FOXP2: variants seen among roughly 807,000 people sequenced by gnomAD.
FOXP2 encodes forkhead box P2.
Under a neutral mutation model 115.8 loss-of-function variants are expected in FOXP2, and 12 were observed. The observed-to-expected ratio is 0.10, with a 90% CI of 0.07 to 0.17. The LOEUF (loss-of-function observed/expected upper bound fraction) is 0.17, where lower values mean the gene tolerates loss of function less well. FOXP2 is among the 10% of genes least tolerant of loss of function. FOXP2 has a pLI of 1.00. For synonymous variants in FOXP2, 328 were observed against 297.7 expected (o/e 1.10, Z -1.05); for missense variants, 629 against 843.5 (o/e 0.75, Z 3.15).
intron 2 of FOXP2, among the ~76,000 whole-genome samples, chr7:114,386,089 C>T (rs556138315): frequency 4.6e-5 from 7 of 152,202 alleles, no homozygotes; most frequent in African/African-American, 7.2e-5. Flanking sequence ...ATGGGAGTCT[C>T]GCCGTATCAG....
At position 114,692,306 on chromosome 7, in the gene FOXP2, G is replaced by A. The variant is rs1182401648; in HGVS notation, c.*2380G>A. 7 of 453,840 alleles carry A rather than the reference G, an allele frequency of 1.5e-5. No homozygotes were observed. Among genetic ancestry groups the A allele is most frequent in the Non-Finnish European group, 3.1e-5 (7 of 226,740 alleles). 28.1% of individuals were successfully genotyped at this position (453,840 alleles called of 1,614,324 possible). A position where few individuals can be genotyped will look rare whatever the true frequency, so the allele number is the denominator to read the frequency against. ...TGAAAGGAAGTCTCAGCCACAGAAT[G>A]CATATACCTGTAGAGTTTTGCATGG... On this transcript the variant is annotated 3_prime_UTR_variant, in exon 17 of 17. Transcript: ENST00000350908.
intron 3 of FOXP2, among the ~76,000 whole-genome samples, chr7:114,535,092 C>T (rs975936490): frequency 3.3e-5 from 5 of 151,598 alleles, no homozygotes; most frequent in Admixed American, 2.0e-4. Flanking sequence ...ACAACCCTTC[C>T]GCAGTTGTAT....
intron 2 of FOXP2, among the ~76,000 whole-genome samples, chr7:114,384,516 T>TGG (rs1792392483): frequency 1.3e-5 from 2 of 152,078 alleles, no homozygotes; most frequent in Non-Finnish European, 2.9e-5. Flanking sequence ...GAATACCCAT[T>TGG]GTATTCAGTA....
chr7:114,651,139 T>TA (rs1806229728), intron 8 of FOXP2, among the ~76,000 whole-genome samples: 1 of 152,066 alleles, frequency 6.6e-6, no homozygotes. Context: ...CCAGGGCTAT[T>TA]ATAAACTTTT....
intron 2 of FOXP2, among the ~76,000 whole-genome samples, chr7:114,468,676 C>A (rs898770645): frequency 1.3e-5 from 2 of 152,084 alleles, no homozygotes; most frequent in Non-Finnish European, 2.9e-5. Flanking sequence ...TCAAACAATT[C>A]TTCTCAAGTA....
intron 2 of FOXP2, among the ~76,000 whole-genome samples, chr7:114,476,909 C>T (rs1424984972): frequency 1.3e-5 from 2 of 151,900 alleles, no homozygotes. Context: ...AAGTGCTCAG[C>T]ATCACTAATC....
chr7:114,412,179 A>T (rs1793180904), upstream of FOXP2, among the ~76,000 whole-genome samples: 1 of 152,152 alleles, frequency 6.6e-6, no homozygotes, highest in Non-Finnish European at 1.5e-5. Flanking sequence ...TATTTTTAAA[A>T]TTACTATGAT....
chr7:114,465,447 G>C (rs557744817), intron 2 of FOXP2, among the ~76,000 whole-genome samples: 2 of 152,292 alleles, frequency 1.3e-5, no homozygotes, highest in Admixed American at 1.3e-4. Flanking sequence ...AAACTTATTA[G>C]AGTGATTAGA....
intron 2 of FOXP2, among the ~76,000 whole-genome samples, chr7:114,447,876 T>A (rs1471362559): frequency 6.6e-6 from 1 of 152,160 alleles, no homozygotes; most frequent in African/African-American, 2.4e-5. Context: ...AGATGCAGAA[T>A]AAATTTTGTT....
intron 16 of FOXP2, among the ~76,000 whole-genome samples, chr7:114,680,788 A>C: frequency 6.6e-6 from 1 of 152,096 alleles, no homozygotes; most frequent in East Asian, 1.9e-4. Flanking sequence ...CATAAATTTC[A>C]AAAGAAAGTA....
chr7:114,656,046 G>A (rs1390943467), intron 10 of FOXP2, among the ~76,000 whole-genome samples: 1 of 152,100 alleles, frequency 6.6e-6, no homozygotes, highest in Non-Finnish European at 1.5e-5. Context: ...GTTTGTGATT[G>A]TACGCCTACA....
chr7:114,184,785 A>C (rs1793550154), intron 1 of FOXP2, among the ~76,000 whole-genome samples: 1 of 152,202 alleles, frequency 6.6e-6, no homozygotes, highest in African/African-American at 2.4e-5. Flanking sequence ...CAAAACTGCC[A>C]AGGGAAACTG....
intron 1 of FOXP2, among the ~76,000 whole-genome samples, chr7:114,142,941 G>A (rs2129147329): frequency 6.6e-6 from 1 of 151,960 alleles, no homozygotes; most frequent in Non-Finnish European, 1.5e-5. Context: ...TGAGTCCAGG[G>A]TTTCAAGACC....
rs1298363213 is a variant in FOXP2 at position 114,318,388 on chromosome 7, T to G, written c.-11+30279T>G. 2.7e-5 allele frequency among the ~76,000 whole-genome samples: 4 copies of G among 150,902 alleles called. 1 individual carries two copies. Among genetic ancestry groups the G allele is most frequent in the African/African-American group, 7.3e-5 (3 of 41,270 alleles). ...CATGATGTCTCTCTTTGTTTTTTTT[T>G]TTTTTTTTTGGAGAGTATGATTTTT... On this transcript the variant is annotated intron_variant, in intron 2 of 17. Coordinates refer to the FOXP2 transcript ENST00000634411.
chr7:114,302,780 T>A (rs778742133), intron 2 of FOXP2, among the ~76,000 whole-genome samples: 6 of 152,160 alleles, frequency 3.9e-5, no homozygotes, highest in Non-Finnish European at 8.8e-5. Context: ...TCTGCTGGAC[T>A]TGAATAAGCA....
At chr7:114,229,016 G>A (rs55855985) in intron 1 of FOXP2, among the ~76,000 whole-genome samples, 18 of 151,292 alleles carry the variant, frequency 1.2e-4, no homozygotes, top group South Asian at 4.1e-4. Flanking sequence ...CACTTTAGAC[G>A]TAAGGACACA....
At chr7:114,610,926 G>A (rs961828198) in intron 3 of FOXP2, among the ~76,000 whole-genome samples, 1 of 151,970 alleles carries the variant, frequency 6.6e-6, no homozygotes, top group Admixed American at 6.6e-5. Context: ...TGAGCCATCA[G>A]CCTGGCCCTA....
chr7:114,198,321 T>C (rs914973268), intron 1 of FOXP2, among the ~76,000 whole-genome samples: 2 of 152,168 alleles, frequency 1.3e-5, no homozygotes, highest in Admixed American at 6.5e-5. Context: ...ATAGAAATCA[T>C]TGAGACCATT....
At chr7:114,384,181 G>A (rs377748791) in intron 2 of FOXP2, among the ~76,000 whole-genome samples, 2 of 152,114 alleles carry the variant, frequency 1.3e-5, no homozygotes, top group Non-Finnish European at 2.9e-5. Context: ...AAAGCGGTCC[G>A]GGCTGCTGGA....
Sources: allele counts gnomAD v4.1 joint callset (sites outside exome capture counted in the v4.1 genomes callset), GRCh38; gene constraint gnomAD v4.1.1; transcripts MANE v1.5; gene names NCBI Gene and HGNC (gene_info 2026-07-23, HGNC 2026-07-21).